The following ANXA11 variants were observed in gnomAD, a reference collection of about 807,000 sequenced individuals.
ANXA11 encodes 56 kDa autoantigen.
In ANXA11, 57 loss-of-function variants were observed where a neutral mutation model predicts 64.7. That is an observed-to-expected ratio of 0.88 (90% CI 0.71 to 1.10). ANXA11 has a LOEUF of 1.10. Ranked by LOEUF, ANXA11 falls within the 50% of genes least tolerant of loss-of-function variation. ANXA11 has a pLI of 0.00. For missense variants in ANXA11, 675 were observed against 670.7 expected (o/e 1.01, Z -0.07); for synonymous variants, 260 against 265.2 (o/e 0.98, Z 0.19).
chr10:80,178,145 C>A (rs2132443358), intron 1 of ANXA11, among the ~76,000 whole-genome samples: 1 of 152,190 alleles, frequency 6.6e-6, no homozygotes, highest in South Asian at 2.1e-4. Flanking sequence ...GTCCCCCTCC[C>A]TAGCCTGTCC....
At chr10:80,180,129 T>C (rs1846304735) in intron 1 of ANXA11, among the ~76,000 whole-genome samples, 1 of 152,206 alleles carries the variant, frequency 6.6e-6, no homozygotes, top group South Asian at 2.1e-4. Flanking sequence ...AAAAGGGTAC[T>C]AGCTGGAGTC....
chr10:80,184,425 C>T (rs553718431), intron 1 of ANXA11, among the ~76,000 whole-genome samples: 10 of 152,180 alleles, frequency 6.6e-5, no homozygotes, highest in African/African-American at 2.4e-4. Context: ...TCATTGTAAC[C>T]CCATCAAAAG....
intron 1 of ANXA11, among the ~76,000 whole-genome samples, chr10:80,195,316 G>A (rs922964382): frequency 2.0e-5 from 3 of 152,144 alleles, no homozygotes. Flanking sequence ...CCAGTCAGCC[G>A]CATGCAACTG....
chr10:80,166,465 C>A, intron 7 of ANXA11: 1 of 453,348 alleles, frequency 2.2e-6, no homozygotes, highest in East Asian at 4.1e-5. Flanking sequence ...CAATATTTAC[C>A]GAATTTTTAT....
At chr10:80,195,152 A>G (rs1199202910) in intron 1 of ANXA11, among the ~76,000 whole-genome samples, 1 of 151,966 alleles carries the variant, frequency 6.6e-6, no homozygotes, top group Non-Finnish European at 1.5e-5. Context: ...TGTTCAAACC[A>G]CTCTGGAAGC....
chr10:80,193,032 C>T (rs761392506), intron 1 of ANXA11, among the ~76,000 whole-genome samples: 1 of 152,054 alleles, frequency 6.6e-6, no homozygotes, highest in South Asian at 2.1e-4. Flanking sequence ...AAAGAAGTCC[C>T]GGGACAACAG....
In ANXA11 at chr10:80,157,998, A is replaced by G. The variant is rs1845345271; in HGVS notation, c.1304T>C (p.Phe435Ser). The change falls in exon 14 of 16, where the codon TTC becomes TCC. Residue 435 changes from phenylalanine to serine, a missense_variant. Transcript: ENST00000422982. ...VVKCLKNTPA[F>S]FAERLNKAMR... ...GGCCTTGTTGAGCCTCTCCGCAAAG[A>G]AGGCTGGGGTATTCTTGAGACATTT... The G allele has an allele frequency of 6.2e-7, 1 of 1,614,020 alleles. No individual in the cohort carries two copies. Among genetic ancestry groups the G allele is most frequent in the African/African-American group, 1.3e-5 (1 of 74,924 alleles).
intron 3 of ANXA11, chr10:80,171,141 T>TC (rs1845959601): frequency 1.4e-6 from 2 of 1,453,068 alleles, no homozygotes; most frequent in South Asian, 1.4e-5. Flanking sequence ...AAGGTGGAGT[T>TC]CCCCAAACAC....
intron 15 of ANXA11, chr10:80,156,421 T>C (rs1014351652): frequency 2.1e-6 from 1 of 471,972 alleles, no homozygotes; most frequent in African/African-American, 2.0e-5. Context: ...AATCATTTCC[T>C]TCCACCCTAA....
Position 80,171,095 on chromosome 10 carries a change from C to CAGAGG in ANXA11, c.56-185_56-181dup, listed in dbSNP as rs1193153369. ...GGAAAGTCTCCCCCTATCCCACTGG[C>CAGAGG]AGAGGAGGGGAAACCTTCCCCTCTT... On this transcript the variant is annotated intron_variant, in intron 3 of 15. Coordinates refer to ENST00000422982, the MANE Select transcript of ANXA11 (RefSeq NM_145868.2). The CAGAGG allele has an allele frequency of 2.6e-6, 4 of 1,511,138 alleles. No homozygotes were observed. In the Middle Eastern group the frequency reaches 5.1e-4, roughly 192 times the overall value. 93.6% of individuals were successfully genotyped at this position (1,511,138 alleles called of 1,614,324 possible). A position where few individuals can be genotyped will look rare whatever the true frequency, so the allele number is the denominator to read the frequency against.
rs747181162 is a variant in ANXA11 at position 80,187,567 on chromosome 10, A to ACTCT, written c.-57-11413_-57-11412insAGAG. On this transcript the variant is annotated intron_variant, in intron 1 of 15. Coordinates refer to ENST00000422982, the MANE Select transcript of ANXA11 (RefSeq NM_145868.2). ...CGTGCACACACACACACACACACAC[A>ACTCT]CACTCTCTCTCTCTCTCACACACTC... Among the ~76,000 whole-genome samples, 3 of 149,142 alleles carry ACTCT rather than the reference A, an allele frequency of 2.0e-5. 1 individual carries two copies. Among genetic ancestry groups the ACTCT allele is most frequent in the African/African-American group, 7.7e-5 (3 of 39,014 alleles).
intron 2 of ANXA11, among the ~76,000 whole-genome samples, 181 bp downstream of exon 2, chr10:80,175,926 T>C (rs972227945): frequency 6.6e-6 from 1 of 152,190 alleles, no homozygotes; most frequent in Middle Eastern, 3.4e-3. Flanking sequence ...TGGTGGTGGG[T>C]GCCTGTAATA....
chr10:80,174,980 C>T (rs56190825), intron 2 of ANXA11, among the ~76,000 whole-genome samples: 19,568 of 152,136 alleles, frequency 0.13, 1,390 homozygotes, highest in South Asian at 0.24. Flanking sequence ...CAGAGGTGAC[C>T]GTAGGCAAAG....
chr10:80,173,605 G>T (rs941483937), intron 2 of ANXA11, among the ~76,000 whole-genome samples: 1 of 151,910 alleles, frequency 6.6e-6, no homozygotes, highest in African/African-American at 2.4e-5. Context: ...TCTGAACACG[G>T]ATCCCTTGGC....
chr10:80,178,887 A>G (rs910045588), intron 1 of ANXA11, among the ~76,000 whole-genome samples: 2 of 152,076 alleles, frequency 1.3e-5, no homozygotes, highest in Non-Finnish European at 2.9e-5. Context: ...GTAAACAAGC[A>G]TACATACCCC....
rs1021410984 is a variant in ANXA11, at chr10:80,171,812, G to A, written c.56-897C>T. 4 of 985,528 alleles carry A rather than the reference G, an allele frequency of 4.1e-6. No individual in the cohort carries two copies. In the South Asian group the frequency reaches 1.4e-4, roughly 35 times the overall value. The allele number at this position is 985,528 out of a possible 1,614,324, so 61.0% of individuals were successfully genotyped here. A position where few individuals can be genotyped will look rare whatever the true frequency, so the allele number is the denominator to read the frequency against. ...AGGCTGCTCAGCTGTGCTAGCAAAG[G>A]TGGCAGTGGCAGGATCTGGATGGCA... On this transcript the variant is annotated intron_variant, in intron 3 of 15. Transcript: ENST00000422982.
chr10:80,156,314 A>G (rs1419278321), intron 15 of ANXA11: 3 of 421,178 alleles, frequency 7.1e-6, no homozygotes, highest in Non-Finnish European at 1.4e-5. Flanking sequence ...ATGACTGTCC[A>G]GTGGAAGGCT....
intron 1 of ANXA11, among the ~76,000 whole-genome samples, chr10:80,196,013 C>T (rs947873233): frequency 1.3e-5 from 2 of 152,198 alleles, no homozygotes; most frequent in African/African-American, 4.8e-5. Flanking sequence ...CCCTGATCTC[C>T]TATCCACAAT....
intron 8 of ANXA11, among the ~76,000 whole-genome samples, chr10:80,165,408 G>C (rs112666491): frequency 1.3e-3 from 205 of 152,308 alleles, no homozygotes; most frequent in African/African-American, 4.6e-3. Flanking sequence ...CCAACCCTCA[G>C]TCAAAACCCG....
Sources: gnomAD v4.1 joint callset for allele counts (sites outside exome capture counted in the v4.1 genomes callset) on GRCh38, gnomAD v4.1.1 for gene constraint, MANE v1.5 for transcripts, NCBI Gene and HGNC (gene_info 2026-07-23, HGNC 2026-07-21) for gene names.